The following CCDC171 variants were observed in gnomAD, a reference collection of about 807,000 sequenced individuals.
CCDC171 encodes the protein coiled-coil domain containing 171, also known as coiled-coil domain-containing protein 171.
Under a neutral mutation model 168.2 loss-of-function variants are expected in CCDC171, and 177 were observed. The observed-to-expected ratio is 1.05, with a 90% CI of 0.93 to 1.19. The LOEUF (loss-of-function observed/expected upper bound fraction) is 1.19, where lower values mean the gene tolerates loss of function less well. Ranked by LOEUF, CCDC171 falls within the 50% of genes most tolerant of loss-of-function variation. The pLI is 0.00. For synonymous variants in CCDC171, 687 were observed against 540.8 expected (o/e 1.27, Z -3.75); for missense variants, 1,991 against 1,539.0 (o/e 1.29, Z -4.91).
At chr9:15,644,604 C>A (rs946920577) in intron 7 of CCDC171, among the ~76,000 whole-genome samples, 69 of 152,340 alleles carry the variant, frequency 4.5e-4, no homozygotes, top group African/African-American at 1.3e-3. Flanking sequence ...TATCCCGCAC[C>A]TGGCTCGGAG....
intron 18 of CCDC171, among the ~76,000 whole-genome samples, chr9:15,754,755 C>G (rs189977283): frequency 5.9e-5 from 9 of 152,086 alleles, no homozygotes; most frequent in African/African-American, 2.2e-4. Flanking sequence ...TTTTACCTAT[C>G]TCATAGAGTT....
At position 15,727,867 on chromosome 9, in the gene CCDC171, A is replaced by G; in HGVS notation, c.1693-2A>G. 6.3e-7 allele frequency: 1 copy of G among 1,591,972 alleles called. No individual in the cohort carries two copies. The highest frequency in any genetic ancestry group is 8.5e-7 in the Non-Finnish European group (1 of 1,172,118). On this transcript the variant is annotated splice_acceptor_variant, in intron 14 of 25. Coordinates refer to ENST00000380701, the MANE Select transcript of CCDC171 (RefSeq NM_173550.4). LOFTEE classifies it high-confidence loss of function. ...TTAATTTTTCTTTTTTTTTTCCTGC[A>G]GGAGAAGCTAACCTTCCTTCACACC...
In CCDC171 at chr9:15,649,862, C is replaced by G. The variant is rs139785060; in HGVS notation, c.823-7265C>G. 1.5e-3 allele frequency among the ~76,000 whole-genome samples: 228 copies of G among 152,330 alleles called. 2 individuals are homozygous for G. The highest frequency in any genetic ancestry group is 5.1e-3 in the African/African-American group (212 of 41,570). ...GTGGCAATTCCTCAAGGATCTAAAA[C>G]TAGAAATACGGTTTGAGCCAGCCAT... On this transcript the variant is annotated intron_variant, in intron 7 of 25. Transcript: ENST00000380701.
intron 24 of CCDC171, among the ~76,000 whole-genome samples, chr9:15,901,285 A>G (rs1304346863): frequency 6.6e-6 from 1 of 152,160 alleles, no homozygotes; most frequent in Non-Finnish European, 1.5e-5. Flanking sequence ...GTCACTATAC[A>G]TTTGTAAAAC....
chr9:15,758,345 G>T (rs985464019), intron 18 of CCDC171, among the ~76,000 whole-genome samples: 1 of 152,192 alleles, frequency 6.6e-6, no homozygotes, highest in East Asian at 1.9e-4. Context: ...CTGGATTTTG[G>T]ACTTGCGTGG....
the CCDC171 span, among the ~76,000 whole-genome samples, chr9:16,083,797 A>G: frequency 6.6e-6 from 1 of 152,188 alleles, no homozygotes; most frequent in Non-Finnish European, 1.5e-5. Flanking sequence ...TCTAAGAGAT[A>G]TTATTTTGTC....
At chr9:15,926,342 A>G (rs1465952262) in intron 25 of CCDC171, among the ~76,000 whole-genome samples, 1 of 151,628 alleles carries the variant, frequency 6.6e-6, no homozygotes, top group East Asian at 1.9e-4. Context: ...CACCCAACTC[A>G]CCCAAACAGC....
intron 18 of CCDC171, among the ~76,000 whole-genome samples, chr9:15,777,203 G>T (rs1377495486): frequency 6.6e-6 from 1 of 152,146 alleles, no homozygotes. Flanking sequence ...AATTTTAATT[G>T]CCTTGGAATA....
intron 16 of CCDC171, among the ~76,000 whole-genome samples, chr9:15,733,253 G>A (rs10217681): frequency 0.98 from 149,693 of 152,236 alleles, 73,646 homozygotes; most frequent in Middle Eastern, 1. Context: ...GTTTTCTACT[G>A]TTCTCTTAGC....
intron 25 of CCDC171, among the ~76,000 whole-genome samples, chr9:15,968,693 C>T (rs1477808602): frequency 6.6e-6 from 1 of 151,918 alleles, no homozygotes; most frequent in Non-Finnish European, 1.5e-5. Flanking sequence ...ATTACAGGCG[C>T]CCGCCCAACT....
chr9:15,977,961 A>G (rs530677775), downstream of CCDC171, among the ~76,000 whole-genome samples: 16 of 152,174 alleles, frequency 1.1e-4, no homozygotes, highest in Non-Finnish European at 1.9e-4. Context: ...GCTATATAAT[A>G]GGACATCTCA....
chr9:15,905,558 C>A (rs1368691859), intron 24 of CCDC171, among the ~76,000 whole-genome samples: 2 of 151,976 alleles, frequency 1.3e-5, no homozygotes, highest in Non-Finnish European at 2.9e-5. Flanking sequence ...TAAATGCCCA[C>A]AAGAGAAAGC....
At chr9:15,864,961 A>G (rs1199496220) in intron 23 of CCDC171, among the ~76,000 whole-genome samples, 1 of 152,106 alleles carries the variant, frequency 6.6e-6, no homozygotes, top group Admixed American at 6.6e-5. Flanking sequence ...AATGTTCCCT[A>G]TGTACGGCCA....
intron 24 of CCDC171, among the ~76,000 whole-genome samples, chr9:15,880,230 G>C (rs1404322982): frequency 6.6e-6 from 1 of 152,104 alleles, no homozygotes; most frequent in Non-Finnish European, 1.5e-5. Context: ...GAATTGGTAA[G>C]TGACATCATT....
At chr9:15,783,159 C>T (rs1468965014) in intron 20 of CCDC171, among the ~76,000 whole-genome samples, 1 of 152,120 alleles carries the variant, frequency 6.6e-6, no homozygotes, top group Admixed American at 6.5e-5. Context: ...AAACTGAGTG[C>T]TTATGTATTA....
At chr9:16,098,359 G>A in the CCDC171 span, among the ~76,000 whole-genome samples, 3 of 152,148 alleles carry the variant, frequency 2.0e-5, no homozygotes, top group South Asian at 2.1e-4. Context: ...TGTTGTCGTC[G>A]TCGTCATCAT....
intron 2 of CCDC171, among the ~76,000 whole-genome samples, chr9:15,569,991 A>G (rs1362542944): frequency 7.2e-6 from 1 of 138,150 alleles, no homozygotes; most frequent in Non-Finnish European, 1.6e-5. Flanking sequence ...TTTTTTTGAG[A>G]TGGAGTTTTG....
chr9:16,104,903 G>A, the CCDC171 span, among the ~76,000 whole-genome samples: 1 of 152,166 alleles, frequency 6.6e-6, no homozygotes, highest in African/African-American at 2.4e-5. Context: ...TAAAACTCCA[G>A]TAAGAGCTAA....
At chr9:15,952,875 C>G (rs1048367683) in intron 25 of CCDC171, among the ~76,000 whole-genome samples, 3 of 152,054 alleles carry the variant, frequency 2.0e-5, no homozygotes, top group Non-Finnish European at 2.9e-5. Context: ...TTTGTAGTAT[C>G]CATTATACAA....
Sources: gnomAD v4.1 joint callset for allele counts (sites outside exome capture counted in the v4.1 genomes callset) on GRCh38, gnomAD v4.1.1 for gene constraint, MANE v1.5 for transcripts, NCBI Gene and HGNC (gene_info 2026-07-23, HGNC 2026-07-21) for gene names.